PTPRD: variants seen among roughly 807,000 people sequenced by gnomAD.
The protein encoded by PTPRD is protein tyrosine phosphatase receptor type D.
Under a neutral mutation model 214.5 loss-of-function variants are expected in PTPRD, and 34 were observed. That is an observed-to-expected ratio of 0.16 (90% CI 0.12 to 0.21). PTPRD has a LOEUF of 0.21. Among genes scored for constraint, PTPRD ranks in the 10% least tolerant of loss-of-function variants. PTPRD has a pLI of 1.00. For missense variants in PTPRD, 2,545 were observed against 2,398.7 expected (o/e 1.06, Z -1.27); for synonymous variants, 1,128 against 845.7 (o/e 1.33, Z -5.79).
intron 8 of PTPRD, among the ~76,000 whole-genome samples, chr9:9,502,269 CCT>C (rs1036775979): frequency 6.6e-6 from 1 of 151,802 alleles, no homozygotes; most frequent in African/African-American, 2.4e-5. Context: ...AATATCTCCC[CCT>C]TTCTCCCTCT....
rs552043008 is a variant in PTPRD at position 10,086,887 on chromosome 9, C to A, written c.-544-53097G>T. ...ATGTGCATCCATCTATAAAACTGAT[C>A]TATACAATTTAATGAATTAATACAC... On this transcript the variant is annotated intron_variant, in intron 3 of 45. Transcript: ENST00000381196. Among the ~76,000 whole-genome samples, 147 of 151,844 alleles carry A rather than the reference C, an allele frequency of 9.7e-4. 1 individual carries two copies. Among genetic ancestry groups the A allele is most frequent in the African/African-American group, 3.4e-3 (140 of 41,494 alleles).
intron 10 of PTPRD, among the ~76,000 whole-genome samples, chr9:9,137,237 T>C (rs1436143187): frequency 6.6e-6 from 1 of 152,202 alleles, no homozygotes; most frequent in Non-Finnish European, 1.5e-5. Flanking sequence ...ATTTTTATTG[T>C]TTCAATAATT....
chr9:8,935,093 T>C (rs1428469535), intron 11 of PTPRD, among the ~76,000 whole-genome samples: 1 of 152,172 alleles, frequency 6.6e-6, no homozygotes, highest in Non-Finnish European at 1.5e-5. Flanking sequence ...TGATTTCATA[T>C]ATTGGCTATT....
At chr9:10,392,168 G>C (rs1853452) in intron 2 of PTPRD, among the ~76,000 whole-genome samples, 124,392 of 151,898 alleles carry the variant, frequency 0.82, 51,163 homozygotes, top group East Asian at 0.89. Flanking sequence ...GGCCACAGCT[G>C]TATCCTAAGA....
chr9:9,878,094 T>C (rs1303854237), intron 5 of PTPRD, among the ~76,000 whole-genome samples: 4 of 152,098 alleles, frequency 2.6e-5, no homozygotes, highest in African/African-American at 4.8e-5. Context: ...CTGCCAACTG[T>C]GGTAGAGATT....
At chr9:8,406,987 G>C (rs2093047004) in intron 35 of PTPRD, among the ~76,000 whole-genome samples, 1 of 152,190 alleles carries the variant, frequency 6.6e-6, no homozygotes, top group Non-Finnish European at 1.5e-5. Context: ...AGATGTATAA[G>C]ATGGCATGCA....
chr9:8,761,875 G>A (rs999405307), intron 11 of PTPRD, among the ~76,000 whole-genome samples: 3 of 152,120 alleles, frequency 2.0e-5, no homozygotes, highest in African/African-American at 7.2e-5. Context: ...TTGCAAAGTG[G>A]CCTACATGTG....
At chr9:10,473,922 G>A (rs961696237) in intron 2 of PTPRD, among the ~76,000 whole-genome samples, 1 of 151,954 alleles carries the variant, frequency 6.6e-6, no homozygotes, top group East Asian at 1.9e-4. Flanking sequence ...CCCCTTGAAA[G>A]GAAAGTTTCA....
intron 2 of PTPRD, among the ~76,000 whole-genome samples, chr9:10,468,606 C>A (rs529222311): frequency 7.2e-5 from 11 of 152,112 alleles, no homozygotes; most frequent in Non-Finnish European, 1.6e-4. Context: ...ATGTAACTAA[C>A]CTGCACATTC....
At chr9:8,661,580 A>C (rs1056444555) in intron 12 of PTPRD, among the ~76,000 whole-genome samples, 1 of 152,190 alleles carries the variant, frequency 6.6e-6, no homozygotes, top group Non-Finnish European at 1.5e-5. Context: ...ATTTTACAAC[A>C]CTTGTTCCTT....
chr9:9,071,904 A>G (rs2099744267), intron 10 of PTPRD, among the ~76,000 whole-genome samples: 1 of 152,192 alleles, frequency 6.6e-6, no homozygotes, highest in Non-Finnish European at 1.5e-5. Flanking sequence ...ACTTGAGAGT[A>G]AAATATGCTT....
intron 2 of PTPRD, among the ~76,000 whole-genome samples, chr9:10,558,571 C>G (rs2063140401): frequency 6.6e-6 from 1 of 152,128 alleles, no homozygotes; most frequent in Admixed American, 6.6e-5. Flanking sequence ...CTTAACATTT[C>G]TCAGCCTAGT....
intron 5 of PTPRD, among the ~76,000 whole-genome samples, chr9:9,914,656 T>G (rs1227588605): frequency 6.6e-6 from 1 of 152,068 alleles, no homozygotes; most frequent in African/African-American, 2.4e-5. Flanking sequence ...ACAGCAAACA[T>G]GCACCCAGAC....
chr9:9,308,108 T>C (rs553375940), intron 9 of PTPRD, among the ~76,000 whole-genome samples: 15 of 152,316 alleles, frequency 9.8e-5, no homozygotes, highest in African/African-American at 3.4e-4. Context: ...TGTATAACTG[T>C]GGCATTTTGA....
chr9:9,022,057 G>A (rs1417944615), intron 10 of PTPRD, among the ~76,000 whole-genome samples: 1 of 151,864 alleles, frequency 6.6e-6, no homozygotes, highest in Non-Finnish European at 1.5e-5. Context: ...CGGTTCATAG[G>A]TGCAGCAGAC....
intron 7 of PTPRD, among the ~76,000 whole-genome samples, chr9:9,716,546 C>T (rs1247073237): frequency 6.6e-6 from 1 of 152,118 alleles, no homozygotes; most frequent in Non-Finnish European, 1.5e-5. Flanking sequence ...GATTGCCGTT[C>T]TAACTGGTGT....
rs186705347 is a variant in PTPRD, at chr9:10,360,920, A to G, written c.-599-19903T>C. 2.4e-3 allele frequency among the ~76,000 whole-genome samples: 370 copies of G among 152,098 alleles called. 4 individuals are homozygous for G. The highest frequency in any genetic ancestry group is 0.016 in the Admixed American group (249 of 15,270). On this transcript the variant is annotated intron_variant, in intron 2 of 45. Coordinates refer to ENST00000381196, the MANE Select transcript of PTPRD (RefSeq NM_002839.4). Reference sequence around the variant, plus strand: ...GATCGAGGCCATCCTGGCTAACACGATGAAACCCCGTCTCTACTAAAAATA... The same window carrying G: ...GATCGAGGCCATCCTGGCTAACACGGTGAAACCCCGTCTCTACTAAAAATA...
intron 44 of PTPRD, among the ~76,000 whole-genome samples, chr9:8,322,454 T>C (rs927446209): frequency 6.6e-6 from 1 of 152,100 alleles, no homozygotes; most frequent in Non-Finnish European, 1.5e-5. Flanking sequence ...ATGAAGAAAG[T>C]TTTAAAGGCC....
intron 9 of PTPRD, among the ~76,000 whole-genome samples, chr9:9,191,105 T>C (rs1246241374): frequency 6.6e-6 from 1 of 152,172 alleles, no homozygotes; most frequent in Non-Finnish European, 1.5e-5. Context: ...AGTTGCCGAT[T>C]AGATTATAAA....
Sources: allele counts gnomAD v4.1 joint callset (sites outside exome capture counted in the v4.1 genomes callset), GRCh38; gene constraint gnomAD v4.1.1; transcripts MANE v1.5; gene names NCBI Gene and HGNC (gene_info 2026-07-23, HGNC 2026-07-21).